The following DCBLD1 variants were observed in gnomAD, a reference collection of about 807,000 sequenced individuals.
The protein encoded by DCBLD1 is discoidin, CUB and LCCL domain containing 1, also known as discoidin, CUB and LCCL domain-containing protein 1.
In DCBLD1, 57 loss-of-function variants were observed where a neutral mutation model predicts 71.5. That is an observed-to-expected ratio of 0.80 (90% CI 0.64 to 0.99). DCBLD1 has a LOEUF of 0.99. Ranked by LOEUF, DCBLD1 falls within the 50% of genes least tolerant of loss-of-function variation. The probability of loss-of-function intolerance (pLI) is 0.00; values close to 1 mark genes in which losing one functional copy is unlikely to be tolerated. For synonymous variants in DCBLD1, 380 were observed against 363.8 expected, an observed-to-expected ratio of 1.04 and a Z score of -0.51; for missense variants, 891 against 923.5, an observed-to-expected ratio of 0.96 and a Z score of 0.46.
At chr6:117,536,546 C>T (rs1778888295) in intron 6 of DCBLD1, among the ~76,000 whole-genome samples, 1 of 152,220 alleles carries the variant, frequency 6.6e-6, no homozygotes, top group African/African-American at 2.4e-5. Context: ...AGCTCACTGA[C>T]ATGCTGTGTG....
downstream of DCBLD1, among the ~76,000 whole-genome samples, chr6:117,552,653 A>G (rs1210196401): frequency 6.6e-6 from 1 of 152,142 alleles, no homozygotes; most frequent in Non-Finnish European, 1.5e-5. Context: ...CCTCCTTTGT[A>G]ATCATGCTAG....
At position 117,545,162 on chromosome 6, in the gene DCBLD1, T is replaced by A. The variant is rs1779224836; in HGVS notation, c.1496-316T>A. On this transcript the variant is annotated intron_variant, in intron 13 of 14. Transcript: ENST00000338728. Reference sequence around the variant, plus strand: ...GGGTCTAAACACCAGCTGCAGTGTCTCCTCTGCCTCACAGATGCCATGCCA... The same window carrying A: ...GGGTCTAAACACCAGCTGCAGTGTCACCTCTGCCTCACAGATGCCATGCCA... 2.0e-5 allele frequency among the ~76,000 whole-genome samples: 3 copies of A among 151,844 alleles called. No homozygotes were observed. The South Asian group carries it at 6.2e-4, about 32-fold the overall frequency.
chr6:117,555,042 C>T (rs1000504501), intron 14 of DCBLD1, among the ~76,000 whole-genome samples: 16 of 152,166 alleles, frequency 1.1e-4, no homozygotes, highest in African/African-American at 2.6e-4. Flanking sequence ...GTTGTTTGAA[C>T]GTTTAGTAGC....
chr6:117,512,358 C>A (rs903167722), intron 2 of DCBLD1, among the ~76,000 whole-genome samples: 11 of 152,170 alleles, frequency 7.2e-5, no homozygotes, highest in Non-Finnish European at 1.6e-4. Context: ...CTTACTGTTA[C>A]GTGACTATGG....
At chr6:117,566,278 C>A (rs1202618301) in intron 14 of DCBLD1, among the ~76,000 whole-genome samples, 3 of 152,122 alleles carry the variant, frequency 2.0e-5, no homozygotes, top group African/African-American at 4.8e-5. Context: ...ATGAACTCTG[C>A]TAAAATATCT....
intron 5 of DCBLD1, among the ~76,000 whole-genome samples, chr6:117,526,526 A>G (rs977453847): frequency 3.9e-5 from 6 of 152,202 alleles, no homozygotes; most frequent in African/African-American, 7.2e-5. Context: ...TTTTTTCTTA[A>G]TGTAGATATT....
At chr6:117,537,394 C>T (rs1046648488) in intron 7 of DCBLD1, among the ~76,000 whole-genome samples, 169 bp downstream of exon 7, 6 of 151,690 alleles carry the variant, frequency 4.0e-5, no homozygotes, top group Non-Finnish European at 5.9e-5. Context: ...ATTAGCCGGG[C>T]CTGGTGGGGG....
intron 1 of DCBLD1, among the ~76,000 whole-genome samples, chr6:117,487,508 C>T (rs1257896890): frequency 6.6e-6 from 1 of 152,044 alleles, no homozygotes; most frequent in African/African-American, 2.4e-5. Flanking sequence ...CCTGTGGTCT[C>T]GGCTACTCGG....
chr6:117,565,013 T>G (rs1779665917), intron 14 of DCBLD1, among the ~76,000 whole-genome samples: 1 of 152,146 alleles, frequency 6.6e-6, no homozygotes, highest in Non-Finnish European at 1.5e-5. Context: ...CCAAGAAGCT[T>G]CTGTTTATGT....
chr6:117,542,981 A>G lies in DCBLD1; in HGVS notation c.1358-143A>G, dbSNP rs210619. Reference sequence around the variant, plus strand: ...TTGAATCCTTTCTTTTTGCTTTCCAATATCAGTAAATGCCTAACATGTATT... The same window carrying G: ...TTGAATCCTTTCTTTTTGCTTTCCAGTATCAGTAAATGCCTAACATGTATT... On this transcript the variant is annotated intron_variant, in intron 11 of 14. Coordinates refer to ENST00000338728, the MANE Select transcript of DCBLD1 (RefSeq NM_001366458.2). 391,717 of 666,542 alleles carry G rather than the reference A, an allele frequency of 0.59. 117,222 individuals carry two copies. The highest frequency in any genetic ancestry group is 0.73 in the South Asian group (32,444 of 44,418). The allele number at this position is 666,542 out of a possible 1,614,324, so 41.3% of individuals were successfully genotyped here.
chr6:117,496,915 A>C (rs1053368482), intron 1 of DCBLD1, among the ~76,000 whole-genome samples: 2 of 152,220 alleles, frequency 1.3e-5, no homozygotes, highest in African/African-American at 4.8e-5. Flanking sequence ...GTGTATGCAT[A>C]TGTGATTACT....
intron 1 of DCBLD1, among the ~76,000 whole-genome samples, chr6:117,487,123 T>C (rs1369521081): frequency 6.6e-6 from 1 of 152,060 alleles, no homozygotes; most frequent in African/African-American, 2.4e-5. Context: ...TGACCACTGC[T>C]CTGGAGCACT....
chr6:117,503,442 G>T, intron 1 of DCBLD1: 1 of 290,254 alleles, frequency 3.4e-6, no homozygotes. Flanking sequence ...GCAAATGCAT[G>T]CAAGGCCTGC....
intron 14 of DCBLD1, among the ~76,000 whole-genome samples, chr6:117,546,765 T>C (rs180831310): frequency 6.6e-6 from 1 of 152,256 alleles, no homozygotes; most frequent in East Asian, 1.9e-4. Context: ...CCCTGCATGT[T>C]TGTCCATGCT....
intron 14 of DCBLD1, among the ~76,000 whole-genome samples, chr6:117,547,346 A>C: frequency 6.6e-6 from 1 of 152,168 alleles, no homozygotes; most frequent in South Asian, 2.1e-4. Context: ...ATGGAGTAAC[A>C]GTTCCTACCT....
chr6:117,549,666 G>A lies in DCBLD1; in HGVS notation c.*1227G>A. The A allele has an allele frequency of 8.1e-6, 8 of 985,370 alleles. No homozygotes were observed. The highest frequency in any genetic ancestry group is 9.6e-6 in the Non-Finnish European group (8 of 829,936). The allele number at this position is 985,370 out of a possible 1,614,324, so 61.0% of individuals were successfully genotyped here. On this transcript the variant is annotated 3_prime_UTR_variant, in exon 15 of 15. Transcript: ENST00000338728. ...ATTACATCCTGTGAAATGTATATAT[G>A]TTAAAATAATGGGGGTGCTGGAAGG...
At chr6:117,524,675 TG>T (rs1778490331) in intron 4 of DCBLD1, among the ~76,000 whole-genome samples, 1 of 152,190 alleles carries the variant, frequency 6.6e-6, no homozygotes, top group African/African-American at 2.4e-5. Context: ...CCCCAGATTT[TG>T]GAAGTTAAAT....
rs117843420 is a variant in DCBLD1 at position 117,557,954 on chromosome 6, G to C, written c.1616-11666G>C. ...ACAGGCCTGGCAGCAGACTAGGTAG[G>C]GGCAGGTATTGCCTTAGGGATGTGG... On this transcript the variant is annotated intron_variant, in intron 14 of 14. Transcript: ENST00000296955. Among the ~76,000 whole-genome samples, 516 of 152,228 alleles carry C rather than the reference G, an allele frequency of 3.4e-3. 15 individuals carry two copies. Among genetic ancestry groups the C allele is most frequent in the Non-Finnish European group, 6.8e-4 (46 of 68,022 alleles).
chr6:117,546,233 T>C (rs1348970251), intron 14 of DCBLD1, among the ~76,000 whole-genome samples: 1 of 152,170 alleles, frequency 6.6e-6, no homozygotes, highest in East Asian at 1.9e-4. Flanking sequence ...CTAAGAGTAG[T>C]TTCTTGACAC....
Sources: gnomAD v4.1 joint callset for allele counts (sites outside exome capture counted in the v4.1 genomes callset) on GRCh38, gnomAD v4.1.1 for gene constraint, MANE v1.5 for transcripts, NCBI Gene and HGNC (gene_info 2026-07-23, HGNC 2026-07-21) for gene names.